CDCA7L: variants seen among roughly 807,000 people sequenced by gnomAD.
The protein encoded by CDCA7L is cell division cycle-associated 7-like protein.
Under a neutral mutation model 57.4 loss-of-function variants are expected in CDCA7L, and 44 were observed. The observed-to-expected ratio is 0.77, with a 90% CI of 0.60 to 0.98. CDCA7L has a LOEUF of 0.98. CDCA7L is among the 50% of genes least tolerant of loss of function. CDCA7L has a pLI of 0.00. For missense variants in CDCA7L, 644 were observed against 580.6 expected, an observed-to-expected ratio of 1.11 and a Z score of -1.12; for synonymous variants, 236 against 202.8, an observed-to-expected ratio of 1.16 and a Z score of -1.39.
chr7:21,903,421 T>C (rs1035772192), intron 8 of CDCA7L, among the ~76,000 whole-genome samples: 1 of 152,186 alleles, frequency 6.6e-6, no homozygotes, highest in African/African-American at 2.4e-5. Flanking sequence ...ATGTCAGCCC[T>C]GGTTTAGGAG....
chr7:21,923,759 C>T (rs1054927301), intron 1 of CDCA7L, among the ~76,000 whole-genome samples: 22 of 152,216 alleles, frequency 1.4e-4, no homozygotes, highest in African/African-American at 3.9e-4. Flanking sequence ...AACTGATAGT[C>T]TGGAGGACAA....
chr7:21,902,417 A>C (rs1318046362), intron 9 of CDCA7L, 65 bp from the exon 10 acceptor site: 24 of 1,466,654 alleles, frequency 1.6e-5, no homozygotes, highest in Admixed American at 3.3e-5. Flanking sequence ...TCTAGGCTTG[A>C]GAGATTCCAC....
rs570688565 is a variant in CDCA7L at position 21,915,192 on chromosome 7, G to A, written c.165+1562C>T. Among the ~76,000 whole-genome samples, 6 of 152,220 alleles carry A rather than the reference G, an allele frequency of 3.9e-5. No individual in the cohort carries two copies. In the East Asian group the frequency reaches 7.7e-4, roughly 20 times the overall value. ...GCAGAAGTTTCATCAACTCCTGGAC[G>A]GGAGTCAAGGAGATGGAAGAGGGGA... On this transcript the variant is annotated intron_variant, in intron 2 of 9. Transcript: ENST00000406877.
intron 1 of CDCA7L, among the ~76,000 whole-genome samples, chr7:21,926,207 A>G (rs1036269115): frequency 6.6e-5 from 10 of 150,796 alleles, no homozygotes; most frequent in Admixed American, 1.3e-4. Flanking sequence ...CTATAACTAT[A>G]TATTAATTAG....
At chr7:21,943,706 T>A (rs1361925115) in intron 1 of CDCA7L, among the ~76,000 whole-genome samples, 1 of 151,702 alleles carries the variant, frequency 6.6e-6, no homozygotes, top group Non-Finnish European at 1.5e-5. Context: ...TGATTTGCAC[T>A]GCCAATTAGG....
At chr7:21,918,255 G>A (rs988077892) in intron 1 of CDCA7L, among the ~76,000 whole-genome samples, 5 of 152,146 alleles carry the variant, frequency 3.3e-5, no homozygotes, top group Non-Finnish European at 5.9e-5. Context: ...ATATTGTAAT[G>A]AGCACACATT....
In CDCA7L at chr7:21,921,210, T is replaced by C. The variant is rs963064072; in HGVS notation, c.25-4316A>G. 4.6e-5 allele frequency among the ~76,000 whole-genome samples: 7 copies of C among 152,138 alleles called. 1 individual carries two copies. Among genetic ancestry groups the C allele is most frequent in the African/African-American group, 1.4e-4 (6 of 41,418 alleles). On this transcript the variant is annotated intron_variant, in intron 1 of 9. Transcript: ENST00000406877. ...CTCCAGAGGTACCATTAGGGGGCTA[T>C]AATTACTGATTAGGAACAAAAGGAA...
At chr7:21,905,867 AACTCT>A (rs1406699114) in intron 6 of CDCA7L, among the ~76,000 whole-genome samples, 1 of 152,174 alleles carries the variant, frequency 6.6e-6, no homozygotes, top group Non-Finnish European at 1.5e-5. Context: ...CTTTGCTGTA[AACTCT>A]GTGGAGAGGT....
chr7:21,937,894 G>A (rs1052657292), intron 1 of CDCA7L, among the ~76,000 whole-genome samples: 1 of 152,080 alleles, frequency 6.6e-6, no homozygotes, highest in Admixed American at 6.6e-5. Flanking sequence ...GATTAGGTTG[G>A]ACCCTTACCT....
intron 1 of CDCA7L, among the ~76,000 whole-genome samples, chr7:21,921,836 TA>T (rs1461434778): frequency 6.6e-6 from 1 of 152,196 alleles, no homozygotes; most frequent in African/African-American, 2.4e-5. Context: ...TAATACTTGT[TA>T]AAAATCGACA....
At chr7:21,932,484 C>G (rs1237222797) in intron 1 of CDCA7L, among the ~76,000 whole-genome samples, 4 of 152,142 alleles carry the variant, frequency 2.6e-5, no homozygotes, top group Admixed American at 6.5e-5. Flanking sequence ...ACAGAGGCCT[C>G]AGAAATAACA....
rs1350227259 is a variant in CDCA7L, at chr7:21,902,210, A to G, written c.*112T>C. 4.8e-6 allele frequency: 5 copies of G among 1,035,540 alleles called. No homozygotes were observed. The East Asian group carries it at 1.2e-4, about 25-fold the overall frequency. The allele number at this position is 1,035,540 out of a possible 1,614,324, so 64.1% of individuals were successfully genotyped here. ...TAACAAAAAATAGTAATTTCTACAA[A>G]GAATTTCTGTATAAAAACACAACTG... On this transcript the variant is annotated 3_prime_UTR_variant, in exon 10 of 10. Transcript: ENST00000406877.
intron 1 of CDCA7L, among the ~76,000 whole-genome samples, chr7:21,933,424 G>C (rs1284832984): frequency 6.6e-6 from 1 of 152,116 alleles, no homozygotes; most frequent in Admixed American, 6.5e-5. Context: ...TGATAGACTG[G>C]ATAAAGAAAA....
intron 1 of CDCA7L, chr7:21,944,990 T>A (rs760110748): frequency 2.0e-5 from 3 of 152,222 alleles, no homozygotes; most frequent in Non-Finnish European, 4.4e-5. Context: ...GAAAAATGTT[T>A]TTATTGCTTA....
intron 3 of CDCA7L, among the ~76,000 whole-genome samples, chr7:21,910,779 T>C (rs927488434): frequency 5.9e-5 from 9 of 152,248 alleles, no homozygotes; most frequent in African/African-American, 9.6e-5. Flanking sequence ...GAGAGTAGAC[T>C]TCCCTCCAGA....
At chr7:21,942,451 C>A (rs993852210) in intron 1 of CDCA7L, among the ~76,000 whole-genome samples, 15 of 152,192 alleles carry the variant, frequency 9.9e-5, no homozygotes, top group Non-Finnish European at 5.9e-5. Flanking sequence ...CTTTAAGTAG[C>A]CTGTAATCTA....
chr7:21,929,631 CAAAAAAAAA>C (rs57283961), intron 1 of CDCA7L, among the ~76,000 whole-genome samples: 2 of 35,506 alleles, frequency 5.6e-5, no homozygotes, highest in African/African-American at 3.1e-4. Flanking sequence ...AAATGGAAAG[CAAAAAAAAA>C]AAAAAAAAAA....
intron 1 of CDCA7L, chr7:21,944,897 T>G (rs1281117222): frequency 2.0e-5 from 3 of 151,362 alleles, no homozygotes; most frequent in Non-Finnish European, 4.4e-5. Context: ...AAAACAATCC[T>G]CGCACAAAGC....
At chr7:21,903,152 C>G (rs1487981641) in intron 8 of CDCA7L, 38 bp from the exon 9 acceptor site, 5 of 1,595,874 alleles carry the variant, frequency 3.1e-6, no homozygotes, top group Non-Finnish European at 4.3e-6. Context: ...CGCTCATTAT[C>G]TACAGGGTCT....
Sources: allele counts gnomAD v4.1 joint callset (sites outside exome capture counted in the v4.1 genomes callset), GRCh38; gene constraint gnomAD v4.1.1; transcripts MANE v1.5; gene names NCBI Gene and HGNC (gene_info 2026-07-23, HGNC 2026-07-21).